The following FRMD5 variants were observed in gnomAD, a reference collection of about 807,000 sequenced individuals.
The protein encoded by FRMD5 is FERM domain containing 5.
Under a neutral mutation model 69.0 loss-of-function variants are expected in FRMD5, and 20 were observed. The ratio of observed to expected loss-of-function variants is 0.29; its 90% CI spans 0.20 to 0.42. The LOEUF (loss-of-function observed/expected upper bound fraction) is 0.42. Ranked by LOEUF, FRMD5 falls within the 10% of genes least tolerant of loss-of-function variation. The pLI is 1.00. For missense variants in FRMD5, 595 were observed against 708.6 expected (o/e 0.84, Z 1.82); for synonymous variants, 271 against 260.1 (o/e 1.04, Z -0.40).
chr15:43,885,509 G>A (rs1204720458), intron 11 of FRMD5, among the ~76,000 whole-genome samples, 172 bp downstream of exon 11: 1 of 152,172 alleles, frequency 6.6e-6, no homozygotes, highest in Non-Finnish European at 1.5e-5. Context: ...ACAAATTGCT[G>A]TAGGGAAGGA....
At chr15:44,168,754 TG>T (rs2140521826) in intron 1 of FRMD5, among the ~76,000 whole-genome samples, 1 of 152,376 alleles carries the variant, frequency 6.6e-6, no homozygotes, top group South Asian at 2.1e-4. Flanking sequence ...ACTTCATTTT[TG>T]ATTGTCCAGA....
intron 1 of FRMD5, among the ~76,000 whole-genome samples, chr15:44,050,074 A>T (rs575593618): frequency 5.3e-5 from 8 of 152,306 alleles, no homozygotes; most frequent in African/African-American, 1.2e-4. Context: ...TAAACTTTTT[A>T]AAAAAATCAA....
intron 1 of FRMD5, among the ~76,000 whole-genome samples, chr15:43,987,170 C>T (rs563742501): frequency 9.8e-5 from 15 of 152,312 alleles, no homozygotes; most frequent in South Asian, 4.1e-4. Flanking sequence ...AACCCTACTA[C>T]GGCCTCTAAG....
intron 7 of FRMD5, among the ~76,000 whole-genome samples, chr15:43,896,864 A>G (rs1023598004): frequency 6.6e-6 from 1 of 152,222 alleles, no homozygotes; most frequent in Non-Finnish European, 1.5e-5. Context: ...ATGCTGTACC[A>G]GATACGCCCA....
intron 1 of FRMD5, among the ~76,000 whole-genome samples, chr15:44,148,256 C>T (rs1161639831): frequency 6.6e-6 from 1 of 151,760 alleles, no homozygotes; most frequent in Non-Finnish European, 1.5e-5. Flanking sequence ...GCTTTGCTTT[C>T]TTGTGCTTCA....
At chr15:43,888,718 G>A (rs2088722743) in intron 9 of FRMD5, 91 bp downstream of exon 9, 1 of 1,049,748 alleles carries the variant, frequency 9.5e-7, no homozygotes, top group African/African-American at 1.6e-5. Context: ...GGGTAGCTTG[G>A]CTCTACTGGG....
At chr15:44,037,406 G>C (rs1269331712) in intron 1 of FRMD5, among the ~76,000 whole-genome samples, 1 of 151,488 alleles carries the variant, frequency 6.6e-6, no homozygotes, top group Non-Finnish European at 1.5e-5. Context: ...ATTTGAGTTG[G>C]TTCCAAGTCT....
intron 1 of FRMD5, chr15:43,989,731 G>A (rs765643598): frequency 2.0e-5 from 20 of 1,008,330 alleles, no homozygotes; most frequent in East Asian, 2.6e-5. Context: ...AGTCCATCAC[G>A]ATGTCAGTGG....
At chr15:43,891,748 C>T (rs2088797619) in intron 8 of FRMD5, among the ~76,000 whole-genome samples, 3 of 152,166 alleles carry the variant, frequency 2.0e-5, no homozygotes, top group Admixed American at 2.0e-4. Flanking sequence ...GAAATCAAAC[C>T]TCTGTATCCC....
At chr15:43,972,062 A>G (rs982859911) in intron 1 of FRMD5, among the ~76,000 whole-genome samples, 4 of 144,470 alleles carry the variant, frequency 2.8e-5, no homozygotes, top group Non-Finnish European at 3.0e-5. Flanking sequence ...ATATATTTAT[A>G]TACTTATATA....
chr15:44,046,253 C>T (rs1435368776), intron 1 of FRMD5, among the ~76,000 whole-genome samples: 1 of 151,994 alleles, frequency 6.6e-6, no homozygotes, highest in African/African-American at 2.4e-5. Context: ...GAATAAGGAA[C>T]AAGTAGGACA....
In FRMD5 at chr15:43,905,849, T is replaced by C; in HGVS notation, c.530A>G (p.Glu177Gly). 6.2e-7 allele frequency: 1 copy of C among 1,614,252 alleles called. No individual in the cohort carries two copies. The highest frequency in any genetic ancestry group is 8.5e-7 in the Non-Finnish European group (1 of 1,180,046). ...HSEKLERKIA[E>G]IHKTELSGQT... is the part of the protein sequence containing the mutation. ...GTACCTCAGTTCCGTCTTGTGAATCTCAGCAATTTTCCTTTCCAGCTTCTC... is the reference window on the plus strand; with the variant it reads ...GTACCTCAGTTCCGTCTTGTGAATCCCAGCAATTTTCCTTTCCAGCTTCTC... Residue 177 changes from glutamate to glycine, a missense_variant, in exon 6 of 14, where the codon GAG (glutamate) becomes GGG (glycine). Physicochemically the swap from Glu to Gly is moderately conservative, Grantham distance 98. This residue lies in a region of FRMD5 where 51 missense variants were observed against 41.7 expected (regional missense o/e 1.22). Transcript: ENST00000417257.
chr15:44,167,294 G>A (rs1220554086), intron 1 of FRMD5, among the ~76,000 whole-genome samples: 1 of 152,056 alleles, frequency 6.6e-6, no homozygotes, highest in African/African-American at 2.4e-5. Flanking sequence ...TGTGAGCCTG[G>A]GAAGTGGAGG....
At chr15:43,959,006 A>C (rs995949212) in intron 1 of FRMD5, among the ~76,000 whole-genome samples, 2 of 152,194 alleles carry the variant, frequency 1.3e-5, no homozygotes, top group African/African-American at 4.8e-5. Flanking sequence ...CATCCTCTGA[A>C]GGGAGCTGAA....
chr15:43,987,488 C>T (rs1409724386), intron 1 of FRMD5, among the ~76,000 whole-genome samples: 1 of 152,152 alleles, frequency 6.6e-6, no homozygotes, highest in Non-Finnish European at 1.5e-5. Context: ...TTTCCACGGA[C>T]CAGGTTGCAG....
At chr15:44,127,038 C>A (rs1392953589) in intron 1 of FRMD5, among the ~76,000 whole-genome samples, 1 of 152,196 alleles carries the variant, frequency 6.6e-6, no homozygotes, top group African/African-American at 2.4e-5. Context: ...TAGAGAGGAA[C>A]AATCTTTCTG....
intron 1 of FRMD5, among the ~76,000 whole-genome samples, chr15:43,991,628 G>T (rs1889682764): frequency 6.6e-6 from 1 of 152,192 alleles, no homozygotes; most frequent in African/African-American, 2.4e-5. Context: ...CTTTTGATCT[G>T]TCTTTGGTGC....
chr15:43,884,476 A>C (rs756059690), intron 12 of FRMD5, among the ~76,000 whole-genome samples: 3 of 152,178 alleles, frequency 2.0e-5, no homozygotes, highest in African/African-American at 2.4e-5. Flanking sequence ...GGGAGGGCAG[A>C]AGAGAATTGC....
chr15:43,883,219 C>T (rs1019382247), intron 13 of FRMD5, among the ~76,000 whole-genome samples: 3 of 152,018 alleles, frequency 2.0e-5, no homozygotes, highest in Admixed American at 6.6e-5. Context: ...CCTACCTCAG[C>T]CCCCCGAGTA....
Sources: allele counts gnomAD v4.1 joint callset (sites outside exome capture counted in the v4.1 genomes callset), GRCh38; gene constraint gnomAD v4.1.1; regional missense constraint gnomAD v4.1.1; transcripts MANE v1.5; gene names NCBI Gene and HGNC (gene_info 2026-07-23, HGNC 2026-07-21).